The following HACE1 variants were observed in gnomAD, a reference collection of about 807,000 sequenced individuals.
The protein encoded by HACE1 is E3 ubiquitin-protein ligase HACE1.
In HACE1, 73 loss-of-function variants were observed where a neutral mutation model predicts 118.4. That is an observed-to-expected ratio of 0.62 (90% CI 0.51 to 0.75). The LOEUF (loss-of-function observed/expected upper bound fraction) is 0.75, where lower values mean the gene tolerates loss of function less well. Ranked by LOEUF, HACE1 falls within the 30% of genes least tolerant of loss-of-function variation. HACE1 has a pLI of 0.00. For missense variants in HACE1, 749 were observed against 1,102.2 expected (o/e 0.68, Z 4.54); for synonymous variants, 368 against 374.8 (o/e 0.98, Z 0.21).
intron 20 of HACE1, among the ~76,000 whole-genome samples, chr6:104,749,801 C>T (rs1418623374): frequency 6.6e-6 from 1 of 151,908 alleles, no homozygotes; most frequent in Non-Finnish European, 1.5e-5. Flanking sequence ...ACAATAAAGG[C>T]AAATTAAAGT....
intron 4 of HACE1, among the ~76,000 whole-genome samples, chr6:104,843,673 C>T (rs1381061937): frequency 6.6e-6 from 1 of 152,144 alleles, no homozygotes; most frequent in Non-Finnish European, 1.5e-5. Flanking sequence ...GATGTCTCAA[C>T]ATTGTATCCT....
chr6:104,823,289 T>G (rs1772974767), intron 6 of HACE1, among the ~76,000 whole-genome samples: 1 of 152,060 alleles, frequency 6.6e-6, no homozygotes, highest in Non-Finnish European at 1.5e-5. Flanking sequence ...CAAAAATTAG[T>G]TGGGCATGGC....
At chr6:104,759,129 A>G (rs1455874098) in intron 19 of HACE1, among the ~76,000 whole-genome samples, 1 of 152,218 alleles carries the variant, frequency 6.6e-6, no homozygotes, top group Non-Finnish European at 1.5e-5. Context: ...TGTCAATATT[A>G]GACAGATCAG....
chr6:104,744,179 A>G lies in HACE1; in HGVS notation c.2494T>C (p.Leu832=). ...DITQEERVLL[L]QFVTGSSRVP... ...GCTTACCTGCCCGTAACAAACTGTA[A>G]GAGAAGAACTCTCTCCTCTTGAGTA... Residue 832 remains leucine (L), a synonymous_variant, in exon 22 of 24, where the codon TTA becomes CTA. Transcript: ENST00000262903. 6.3e-7 allele frequency: 1 copy of G among 1,599,184 alleles called. No individual in the cohort carries two copies. Among genetic ancestry groups the G allele is most frequent in the Non-Finnish European group, 8.6e-7 (1 of 1,166,598 alleles).
intron 11 of HACE1, among the ~76,000 whole-genome samples, chr6:104,789,117 T>A (rs901415551): frequency 3.9e-5 from 6 of 152,110 alleles, no homozygotes; most frequent in African/African-American, 1.4e-4. Context: ...ACCCCCACAA[T>A]GAACAGGAGA....
chr6:104,857,367 T>A (rs1026050145), intron 1 of HACE1, among the ~76,000 whole-genome samples: 5 of 151,792 alleles, frequency 3.3e-5, no homozygotes, highest in African/African-American at 9.7e-5. Flanking sequence ...TTTTTGCCTA[T>A]GTGGAAAAGT....
chr6:104,807,554 C>T (rs571620349), intron 7 of HACE1, among the ~76,000 whole-genome samples: 3 of 152,156 alleles, frequency 2.0e-5, no homozygotes, highest in African/African-American at 7.2e-5. Context: ...TACCTGAAAA[C>T]CATTATACAT....
At chr6:104,735,634 A>C (rs1054568677) in intron 22 of HACE1, among the ~76,000 whole-genome samples, 4 of 152,150 alleles carry the variant, frequency 2.6e-5, no homozygotes, top group African/African-American at 9.6e-5. Flanking sequence ...CCGTCTCAAA[A>C]AAAAAAAAAG....
intron 11 of HACE1, 65 bp from the exon 12 acceptor site, chr6:104,785,384 A>C: frequency 2.2e-6 from 2 of 890,430 alleles, no homozygotes; most frequent in Non-Finnish European, 3.6e-6. Flanking sequence ...AAAAAAAAAC[A>C]AAACACAACT....
intron 7 of HACE1, among the ~76,000 whole-genome samples, chr6:104,802,654 C>CT (rs1452024675): frequency 6.6e-6 from 1 of 152,104 alleles, no homozygotes; most frequent in African/African-American, 2.4e-5. Context: ...TAAAGATGTT[C>CT]TTTGAAACCA....
intron 19 of HACE1, among the ~76,000 whole-genome samples, chr6:104,751,918 TG>T (rs1778087578): frequency 6.9e-6 from 1 of 144,626 alleles, no homozygotes; most frequent in African/African-American, 2.6e-5. Context: ...ACTAATCTGA[TG>T]CTCTGTTCAA....
At chr6:104,776,067 A>G (rs933524399) in intron 17 of HACE1, among the ~76,000 whole-genome samples, 27 of 152,220 alleles carry the variant, frequency 1.8e-4, no homozygotes, top group African/African-American at 6.3e-4. Context: ...CATTTAGTCT[A>G]CAACAGCAAA....
At chr6:104,753,817 C>T (rs574767298) in intron 19 of HACE1, among the ~76,000 whole-genome samples, 2 of 152,134 alleles carry the variant, frequency 1.3e-5, no homozygotes, top group Admixed American at 1.3e-4. Flanking sequence ...CACAAAAATG[C>T]TGAAAACTCA....
chr6:104,847,763 A>G (rs1170390882), intron 4 of HACE1, among the ~76,000 whole-genome samples: 1 of 152,130 alleles, frequency 6.6e-6, no homozygotes, highest in Non-Finnish European at 1.5e-5. Flanking sequence ...ATTAAAAAAA[A>G]AGACACAACG....
intron 19 of HACE1, among the ~76,000 whole-genome samples, chr6:104,756,488 A>G (rs1021666552): frequency 4.6e-5 from 7 of 151,670 alleles, no homozygotes; most frequent in Non-Finnish European, 5.9e-5. Context: ...CAAACTAGTT[A>G]TAAGAATTGA....
At chr6:104,770,499 A>T (rs749372738) in intron 19 of HACE1, among the ~76,000 whole-genome samples, 8 of 152,138 alleles carry the variant, frequency 5.3e-5, no homozygotes, top group Non-Finnish European at 8.8e-5. Flanking sequence ...CAGACAGATC[A>T]CCTGAGGTCA....
At chr6:104,739,066 C>G (rs1300427703) in intron 22 of HACE1, among the ~76,000 whole-genome samples, 2 of 151,010 alleles carry the variant, frequency 1.3e-5, no homozygotes, top group Non-Finnish European at 2.9e-5. Flanking sequence ...TCCAGCCAAA[C>G]TAAGCTTCAT....
At chr6:104,852,173 C>T in intron 2 of HACE1, 144 bp downstream of exon 2, 1 of 642,662 alleles carries the variant, frequency 1.6e-6, no homozygotes, top group Non-Finnish European at 2.9e-6. Flanking sequence ...AAATAACTTG[C>T]CCCAGAACAT....
chr6:104,822,557 T>C (rs1332609313), intron 6 of HACE1, among the ~76,000 whole-genome samples: 2 of 150,890 alleles, frequency 1.3e-5, no homozygotes, highest in African/African-American at 2.4e-5. Context: ...TGTCTCTAAA[T>C]AAAAAATAAA....
Sources: allele counts gnomAD v4.1 joint callset (sites outside exome capture counted in the v4.1 genomes callset), GRCh38; gene constraint gnomAD v4.1.1; transcripts MANE v1.5; gene names NCBI Gene and HGNC (gene_info 2026-07-23, HGNC 2026-07-21).